The following TRRAP variants were observed in gnomAD, a reference collection of about 807,000 sequenced individuals.
TRRAP encodes transformation/transcription domain associated protein, also known as transformation/transcription domain-associated protein.
A neutral mutation model predicts 438.8 loss-of-function variants in TRRAP; 41 were observed. The ratio of observed to expected loss-of-function variants is 0.09; its 90% CI spans 0.07 to 0.12. TRRAP has a LOEUF of 0.12. Among genes scored for constraint, TRRAP ranks in the 10% least tolerant of loss-of-function variants. The pLI is 1.00. For missense variants in TRRAP, 3,122 were observed against 5,055.1 expected (o/e 0.62, Z 11.60); for synonymous variants, 1,994 against 1,962.9 (o/e 1.02, Z -0.42).
At chr7:98,884,312 GTCACAGC>G (rs1584263286) in intron 3 of TRRAP, among the ~76,000 whole-genome samples, 2 of 152,088 alleles carry the variant, frequency 1.3e-5, no homozygotes, top group East Asian at 3.9e-4. Context: ...CAGTGGTGTG[GTCACAGC>G]TCACTGCAGT....
intron 64 of TRRAP, among the ~76,000 whole-genome samples, chr7:98,991,133 C>T (rs2063394078): frequency 6.6e-6 from 1 of 152,134 alleles, no homozygotes. Flanking sequence ...AGCCCAGGGC[C>T]CTATGGAAAG....
chr7:98,891,536 C>CTTTT (rs561135092), intron 4 of TRRAP, among the ~76,000 whole-genome samples: 1 of 116,948 alleles, frequency 8.6e-6, no homozygotes, highest in Non-Finnish European at 1.8e-5. Context: ...GCATGTAGCT[C>CTTTT]TTTTTTTTTT....
chr7:98,929,305 C>G (rs184314411), intron 23 of TRRAP, among the ~76,000 whole-genome samples: 1 of 152,306 alleles, frequency 6.6e-6, no homozygotes, highest in African/African-American at 2.4e-5. Flanking sequence ...TCAGGCTGGT[C>G]TTGAACTCCT....
At chr7:98,929,692 C>G (rs1562946495) in intron 23 of TRRAP, among the ~76,000 whole-genome samples, 1 of 151,778 alleles carries the variant, frequency 6.6e-6, no homozygotes, top group Non-Finnish European at 1.5e-5. Context: ...CTCCTGGGTT[C>G]AAGTGATTCT....
chr7:98,904,740 A>C (rs1796643953), intron 12 of TRRAP, among the ~76,000 whole-genome samples: 1 of 152,106 alleles, frequency 6.6e-6, no homozygotes, highest in South Asian at 2.1e-4. Flanking sequence ...TTTTAACAAG[A>C]TATTATAGGA....
In TRRAP at chr7:98,903,527, G is replaced by A; in HGVS notation, c.1036+10G>A. 1 of 1,613,986 alleles carries A rather than the reference G, an allele frequency of 6.2e-7. No homozygotes were observed. Among genetic ancestry groups the A allele is most frequent in the Non-Finnish European group, 8.5e-7 (1 of 1,179,970 alleles). On this transcript the variant is annotated intron_variant, in intron 12 of 72. Coordinates refer to ENST00000456197, the MANE Select transcript of TRRAP (RefSeq NM_001375524.1). ...ACAGAGCTGAGAAACCGTACGTCCA[G>A]CCTGTCTTGTCTTGAATGCTGATGC...
chr7:98,925,083 A>T (rs1554411318), intron 21 of TRRAP, 29 bp from the exon 22 acceptor site: 1 of 1,587,582 alleles, frequency 6.3e-7, no homozygotes, highest in South Asian at 1.1e-5. Flanking sequence ...TTCAGCACAA[A>T]CTGTAGTTTC....
chr7:98,919,766 A>T (rs1233256002), intron 20 of TRRAP, among the ~76,000 whole-genome samples: 1 of 152,166 alleles, frequency 6.6e-6, no homozygotes, highest in Non-Finnish European at 1.5e-5. Flanking sequence ...GAGGAGGAGG[A>T]GGTGGTTCTT....
rs781789579 is a variant in TRRAP at position 98,917,632 on chromosome 7, G to A, written c.2575G>A (p.Asp859Asn). The A allele has an allele frequency of 1.2e-6, 2 of 1,614,174 alleles. No homozygotes were observed. Among genetic ancestry groups the A allele is most frequent in the Non-Finnish European group, 1.7e-6 (2 of 1,180,042 alleles). ...GCTGTGTGTGGACAACCTGCAGCCC[G>A]ACTTCCTCTACGACCACATCCAGCC... Reference protein sequence around the residue: ...LELCVDNLQPDFLYDHIQPVR... With the variant: ...LELCVDNLQPNFLYDHIQPVR... The change falls in exon 20 of 73, where the codon GAC becomes AAC. Residue 859 changes from aspartate (D) to asparagine (N), a missense_variant. Asp to Asn is a conservative substitution (Grantham distance 23). This residue lies in a region of TRRAP where 20 missense variants were observed against 100.7 expected (regional missense o/e 0.20). Transcript: ENST00000456197.
intron 1 of TRRAP, among the ~76,000 whole-genome samples, chr7:98,880,279 T>C (rs1165685121): frequency 5.5e-5 from 8 of 144,692 alleles, no homozygotes; most frequent in Middle Eastern, 3.4e-3. Flanking sequence ...TTTTTTTTTT[T>C]CCGAGACTGA....
At chr7:98,903,960 C>A (rs2116369289) in intron 12 of TRRAP, among the ~76,000 whole-genome samples, 1 of 152,210 alleles carries the variant, frequency 6.6e-6, no homozygotes. Flanking sequence ...CAGGCATCCA[C>A]CACCACGCCC....
chr7:98,930,851 A>G, intron 25 of TRRAP, 21 bp downstream of exon 25: 1 of 1,613,684 alleles, frequency 6.2e-7, no homozygotes, highest in Non-Finnish European at 8.5e-7. Flanking sequence ...GGTGGCCCCA[A>G]ACCTAACCAT....
intron 19 of TRRAP, 137 bp downstream of exon 19, chr7:98,916,025 G>A (rs898649262): frequency 5.8e-5 from 64 of 1,102,832 alleles, no homozygotes; most frequent in East Asian, 1.8e-4. Flanking sequence ...CACATCCGCC[G>A]CCCCCCTGCC....
intron 3 of TRRAP, among the ~76,000 whole-genome samples, 163 bp from the exon 4 acceptor site, chr7:98,890,172 A>G (rs781346990): frequency 2.0e-5 from 3 of 152,254 alleles, no homozygotes; most frequent in South Asian, 2.1e-4. Context: ...CAGAAATACA[A>G]TCATCCTAAT....
At position 98,906,402 on chromosome 7, in the gene TRRAP, T is replaced by TTTTATTTATTTA. The variant is rs3066870; in HGVS notation, c.1115+183_1115+194dup. On this transcript the variant is annotated intron_variant, in intron 13 of 72. Transcript: ENST00000456197. ...AGCAAGTGCAGGATTTTTGTTTTTG[T>TTTTATTTATTTA]TTTATTTATTTATTTATTTATTTAT... The TTTTATTTATTTA allele has an allele frequency of 1.2e-3, 242 of 194,832 alleles. 1 individual carries two copies. Among genetic ancestry groups the TTTTATTTATTTA allele is most frequent in the African/African-American group, 4.2e-3 (165 of 39,416 alleles). The allele number at this position is 194,832 out of a possible 1,614,324, so 12.1% of individuals were successfully genotyped here. A position where few individuals can be genotyped will look rare whatever the true frequency, so the allele number is the denominator to read the frequency against.
At position 98,917,496 on chromosome 7, in the gene TRRAP, C is replaced by G. The variant is rs34738474; in HGVS notation, c.2439C>G (p.Val813=). Residue 813 remains valine (V), a synonymous_variant, in exon 20 of 73, where the codon GTC becomes GTG. Coordinates refer to ENST00000456197, the MANE Select transcript of TRRAP (RefSeq NM_001375524.1). ...TCTTTGTGGAGCTGTGTCTCACCGT[C>G]CCTGTGCGGCTGAGCTCGCTTTTGC... ...KDLFVELCLT[V]PVRLSSLLPY... 1,151 of 1,614,078 alleles carry G rather than the reference C, an allele frequency of 7.1e-4. 14 individuals are homozygous for G. The highest frequency in any genetic ancestry group is 1.4e-4 in the Non-Finnish European group (169 of 1,180,046).
rs932116241 is a variant in TRRAP at position 98,959,484 on chromosome 7, G to A, written c.6483G>A (p.Met2161Ile). 1 of 1,613,754 alleles carries A rather than the reference G, an allele frequency of 6.2e-7. No homozygotes were observed. The highest frequency in any genetic ancestry group is 8.5e-7 in the Non-Finnish European group (1 of 1,179,840). Residue 2161 changes from methionine to isoleucine, a missense_variant, in exon 45 of 73, where the codon ATG becomes ATA. Physicochemically the swap from Met to Ile is conservative, Grantham distance 10 (BLOSUM62 1). Coordinates refer to ENST00000456197, the MANE Select transcript of TRRAP (RefSeq NM_001375524.1). ...LKLQWFDKLL[M>I]TVEQPNQVNY... ...TGCAGTGGTTCGACAAGCTGCTGAT[G>A]ACTGTGGTGAGTGCGAGTGTCTGAA... is the stretch of plus-strand genomic sequence containing the variant.
At chr7:98,895,527 A>AT (rs1401721108) in intron 6 of TRRAP, among the ~76,000 whole-genome samples, 31 of 152,086 alleles carry the variant, frequency 2.0e-4, no homozygotes, top group African/African-American at 7.0e-4. Flanking sequence ...ATTTATTTTA[A>AT]TTTTCAACTC....
chr7:98,928,606 C>T (rs925115502), intron 23 of TRRAP, among the ~76,000 whole-genome samples: 3 of 152,096 alleles, frequency 2.0e-5, no homozygotes, highest in Non-Finnish European at 2.9e-5. Flanking sequence ...ATGCTGTGGC[C>T]GACTGTTCTC....
Sources: allele counts gnomAD v4.1 joint callset (sites outside exome capture counted in the v4.1 genomes callset), GRCh38; gene constraint gnomAD v4.1.1; regional missense constraint gnomAD v4.1.1; transcripts MANE v1.5; gene names NCBI Gene and HGNC (gene_info 2026-07-23, HGNC 2026-07-21).